ZXDA: variants seen among roughly 807,000 people sequenced by gnomAD.
The protein encoded by ZXDA is zinc finger X-linked protein ZXDA.
ZXDA carries 5 observed loss-of-function variants against 10.1 expected under a neutral mutation model. That is an observed-to-expected ratio of 0.50 (90% CI 0.26 to 1.04). ZXDA has a LOEUF of 1.04. Among genes scored for constraint, ZXDA ranks in the 50% least tolerant of loss-of-function variants. ZXDA has a pLI of 0.14. For missense variants in ZXDA, 501 were observed against 672.4 expected (o/e 0.75, Z 2.82); for synonymous variants, 266 against 313.1 (o/e 0.85, Z 1.59).
rs967953842 is a variant in ZXDA, at chrX:57,909,210, C to T, written c.1211G>A (p.Ser404Asn). Residue 404 changes from serine to asparagine, a missense_variant, in exon 1 of 1, where the codon AGT becomes AAT. Transcript: ENST00000358697. Reference protein sequence around the residue: ...SGCKKTFITVSALFSHNRAHF... With the variant: ...SGCKKTFITVNALFSHNRAHF... The stretch of plus-strand genomic sequence containing the variant: ...GGCGCGGTTATGGGAAAACAGAGCA[C>T]TCACTGTGATAAATGTCTTCTTGCA... The T allele has an allele frequency of 1.4e-5, 17 of 1,210,260 alleles. No individual in the cohort carries two copies. In the Admixed American group the frequency reaches 2.0e-4, roughly 14 times the overall value.
Position 57,908,896 on chromosome X carries a change from G to C in ZXDA, c.1525C>G (p.Pro509Ala). 1 of 1,211,617 alleles carries C rather than the reference G, an allele frequency of 8.3e-7. No homozygotes were observed. Among genetic ancestry groups the C allele is most frequent in the Non-Finnish European group, 1.1e-6 (1 of 895,417 alleles). Residue 509 changes from proline to alanine, a missense_variant, in exon 1 of 1, where the codon CCT becomes GCT. Coordinates refer to ENST00000358697, the MANE Select transcript of ZXDA (RefSeq NM_007156.5). ...GHSITHLGTK[P>A]FVCPVAGCCA... is the part of the protein sequence containing the mutation. ...CAGCCTGCCACAGGACACACGAAAG[G>C]CTTTGTGCCCAGGTGGGTAATGCTG...
In ZXDA at chrX:57,907,334, C is replaced by T. The variant is rs1460832492; in HGVS notation, c.*687G>A. On this transcript the variant is annotated 3_prime_UTR_variant, in exon 1 of 1. Coordinates refer to ENST00000358697, the MANE Select transcript of ZXDA (RefSeq NM_007156.5). ...ACACATATGTTCACATTGCTATGAC[C>T]ATTTTACAGATAGAAAACTGAGGCT... 2 of 112,016 alleles carry T rather than the reference C, an allele frequency of 1.8e-5. No homozygotes were observed. Among genetic ancestry groups the T allele is most frequent in the Non-Finnish European group, 3.8e-5 (2 of 53,180 alleles). 9.2% of individuals were successfully genotyped at this position (112,016 alleles called of 1,213,427 possible).
rs144058754 is a variant in ZXDA at position 57,909,422 on chromosome X, A to C, written c.999T>G (p.Pro333=). ...TGAAGCTCTTGCCACAGCCCTCCGC[A>C]GGGCAGCCGAAGGGCCGCAGTTTAT... ...SHDKLRPFGC[P]AEGCGKSFTT... The change falls in exon 1 of 1, where the codon CCT becomes CCG. Residue 333 remains proline (P), a synonymous_variant. Coordinates refer to ENST00000358697, the MANE Select transcript of ZXDA (RefSeq NM_007156.5). 149 of 1,210,186 alleles carry C rather than the reference A, an allele frequency of 1.2e-4. No individual in the cohort carries two copies. Among genetic ancestry groups the C allele is most frequent in the Non-Finnish European group, 1.5e-4 (137 of 895,264 alleles).
rs780763893 is a variant in ZXDA at position 57,909,800 on chromosome X, G to C, written c.621C>G (p.Pro207=). ...PAQQPRCLIA[P]QAGFPQAAHP... ...GCGCGGCTTGCGGGAACCCAGCTTG[G>C]GGGGCGATCAGACACCTGGGCTGCT... The change falls in exon 1 of 1, where the codon CCC becomes CCG. Residue 207 remains proline (P), a synonymous_variant. Coordinates refer to ENST00000358697, the MANE Select transcript of ZXDA (RefSeq NM_007156.5). 5.1e-4 allele frequency: 613 copies of C among 1,201,206 alleles called. 2 individuals carry two copies. Among genetic ancestry groups the C allele is most frequent in the Middle Eastern group, 3.2e-3 (12 of 3,731 alleles).
rs374722342 is a variant in ZXDA, at chrX:57,908,939, G to A, written c.1482C>T (p.Ala494=). Residue 494 remains alanine, a synonymous_variant, in exon 1 of 1, where the codon GCC becomes GCT. Transcript: ENST00000358697. ...VEGCGKSFTR[A]EHLKGHSITH... The stretch of plus-strand genomic sequence containing the variant: ...TAATGCTGTGGCCTTTCAGATGTTC[G>A]GCCCTCGTGAAAGATTTCCCACAGC... 3 of 1,209,430 alleles carry A rather than the reference G, an allele frequency of 2.5e-6. No homozygotes were observed. The highest frequency in any genetic ancestry group is 3.0e-5 in the East Asian group (1 of 33,705).
Position 57,909,759 on chromosome X carries a change from G to A in ZXDA, c.662C>T (p.Pro221Leu). The part of the protein sequence containing the change: ...FPQAAHPGDC[P>L]ELRSDLLLAE... ...TAGCAGGAGGTCGGACCGCAGCTCT[G>A]GGCAGTCACCCGGGTGCGCGGCTTG... The change falls in exon 1 of 1, where the codon CCA (proline) becomes CTA (leucine). Residue 221 changes from proline to leucine, a missense_variant. This residue lies in a region of ZXDA where 251 missense variants were observed against 221.6 expected (regional missense o/e 1.13). Coordinates refer to ENST00000358697, the MANE Select transcript of ZXDA (RefSeq NM_007156.5). The A allele has an allele frequency of 8.4e-7, 1 of 1,196,353 alleles. No individual in the cohort carries two copies. Among genetic ancestry groups the A allele is most frequent in the Non-Finnish European group, 1.1e-6 (1 of 888,899 alleles).
rs2014362255 is a variant in ZXDA, at chrX:57,906,220, C to A, written c.*1801G>T. On this transcript the variant is annotated 3_prime_UTR_variant, in exon 1 of 1. Coordinates refer to ENST00000358697, the MANE Select transcript of ZXDA (RefSeq NM_007156.5). Reference sequence around the variant, plus strand: ...TCCACATGTAAACAATACTGGGTTACAATAGTTGAAAGCAACTAATAGTGT... The same window carrying A: ...TCCACATGTAAACAATACTGGGTTAAAATAGTTGAAAGCAACTAATAGTGT... Among the ~76,000 whole-genome samples the A allele has an allele frequency of 8.9e-6, 1 of 112,081 alleles. No homozygotes were observed. Among genetic ancestry groups the A allele is most frequent in the Non-Finnish European group, 1.9e-5 (1 of 53,162 alleles).
rs776308300 is a variant in ZXDA, at chrX:57,910,195, G to A, written c.226C>T (p.Pro76Ser). The change falls in exon 1 of 1, where the codon CCG (proline) becomes TCG (serine). Residue 76 changes from proline to serine, a missense_variant. Pro to Ser is a moderately conservative substitution (Grantham distance 74). Coordinates refer to ENST00000358697, the MANE Select transcript of ZXDA (RefSeq NM_007156.5). ...SRGPGPSLFA[P>S]RPHQPSGGGD... ...CCGCCGCTAGGTTGATGGGGCCTCGGCGCGAACAGGCTTGGGCCAGGGCCC... is the reference window on the plus strand; with the variant it reads ...CCGCCGCTAGGTTGATGGGGCCTCGACGCGAACAGGCTTGGGCCAGGGCCC... 3 of 1,199,558 alleles carry A rather than the reference G, an allele frequency of 2.5e-6. No homozygotes were observed. Among genetic ancestry groups the A allele is most frequent in the East Asian group, 6.1e-5 (2 of 32,740 alleles).
In ZXDA at chrX:57,906,040, T is replaced by G. The variant is rs1208726789; in HGVS notation, c.*1981A>C. Among the ~76,000 whole-genome samples the G allele has an allele frequency of 8.9e-6, 1 of 112,476 alleles. No individual in the cohort carries two copies. Among genetic ancestry groups the G allele is most frequent in the African/African-American group, 3.2e-5 (1 of 30,966 alleles). On this transcript the variant is annotated 3_prime_UTR_variant, in exon 1 of 1. Coordinates refer to ENST00000358697, the MANE Select transcript of ZXDA (RefSeq NM_007156.5). ...TGTTAAATGGTTAGACACAAAATTC[T>G]ATTTCTTTGAATTACAAATTTATGT...
rs987173552 is a variant in ZXDA, at chrX:57,907,028, T to C, written c.*993A>G. The C allele has an allele frequency of 1.8e-5, 2 of 112,670 alleles. No individual in the cohort carries two copies. Among genetic ancestry groups the C allele is most frequent in the Non-Finnish European group, 3.8e-5 (2 of 53,260 alleles). 9.3% of individuals were successfully genotyped at this position (112,670 alleles called of 1,213,427 possible). A position where few individuals can be genotyped will look rare whatever the true frequency, so the allele number is the denominator to read the frequency against. On this transcript the variant is annotated 3_prime_UTR_variant, in exon 1 of 1. Transcript: ENST00000358697. ...CTTTGAATGCAGACCGAAGATACTA[T>C]CAAATTGGTCTAATGGACATGTGGC...
In ZXDA at chrX:57,906,144, A is replaced by G. The variant is rs1303867188; in HGVS notation, c.*1877T>C. On this transcript the variant is annotated 3_prime_UTR_variant, in exon 1 of 1. Coordinates refer to ENST00000358697, the MANE Select transcript of ZXDA (RefSeq NM_007156.5). Reference sequence around the variant, plus strand: ...CAGTAAAGATGTATATCAAGGTGGTATATATTAAAGTGCACTGTTAAAGTG... The same window carrying G: ...CAGTAAAGATGTATATCAAGGTGGTGTATATTAAAGTGCACTGTTAAAGTG... 8.9e-6 allele frequency among the ~76,000 whole-genome samples: 1 copy of G among 112,299 alleles called. No homozygotes were observed. The highest frequency in any genetic ancestry group is 9.4e-5 in the Admixed American group (1 of 10,619).
Position 57,909,712 on chromosome X carries a change from G to T in ZXDA, c.709C>A (p.Pro237Thr). Residue 237 changes from proline to threonine, a missense_variant, in exon 1 of 1, where the codon CCT (proline) becomes ACT (threonine). Pro to Thr is a conservative substitution (Grantham distance 38, BLOSUM62 -1). Coordinates refer to ENST00000358697, the MANE Select transcript of ZXDA (RefSeq NM_007156.5). ...LLLAEPAEPA[P>T]APAPQEEAEG... ...GCCTCCTCCTGGGGCGCCGGAGCAG[G>T]CGCGGGTTCTGCGGGCTCGGCTAGC... The T allele has an allele frequency of 8.5e-7, 1 of 1,182,298 alleles. No homozygotes were observed. Among genetic ancestry groups the T allele is most frequent in the Non-Finnish European group, 1.1e-6 (1 of 881,398 alleles).
At position 57,907,928 on chromosome X, in the gene ZXDA, A is replaced by C. The variant is rs1284035994; in HGVS notation, c.*93T>G. The C allele has an allele frequency of 9.3e-7, 1 of 1,073,777 alleles. No homozygotes were observed. The highest frequency in any genetic ancestry group is 1.9e-5 in the African/African-American group (1 of 53,252). The allele number at this position is 1,073,777 out of a possible 1,213,427, so 88.5% of individuals were successfully genotyped here. A position where few individuals can be genotyped will look rare whatever the true frequency, so the allele number is the denominator to read the frequency against. On this transcript the variant is annotated 3_prime_UTR_variant, in exon 1 of 1. Coordinates refer to ENST00000358697, the MANE Select transcript of ZXDA (RefSeq NM_007156.5). ...GCTGTGCTCTTTTTGCAAACCAAAAAGAAATGACTGCACTTAAATATTTAG... is the reference window on the plus strand; with the variant it reads ...GCTGTGCTCTTTTTGCAAACCAAAACGAAATGACTGCACTTAAATATTTAG...
At position 57,907,798 on chromosome X, in the gene ZXDA, A is replaced by G. The variant is rs946107798; in HGVS notation, c.*223T>C. 1 of 378,389 alleles carries G rather than the reference A, an allele frequency of 2.6e-6. No homozygotes were observed. The highest frequency in any genetic ancestry group is 2.6e-5 in the African/African-American group (1 of 38,955). The allele number at this position is 378,389 out of a possible 1,213,427, so 31.2% of individuals were successfully genotyped here. ...GTTCAAACCACCACAATTTATAAAT[A>G]AGGAAATTAAGGCTCAGATAGGTTA... On this transcript the variant is annotated 3_prime_UTR_variant, in exon 1 of 1. Transcript: ENST00000358697.
rs759424490 is a variant in ZXDA at position 57,908,011 on chromosome X, T to C, written c.*10A>G. ...AGTTAGCCACATGGCAAGGAATGAA[T>C]AGAGTTGCTTCATACCAAAAATGAG... On this transcript the variant is annotated 3_prime_UTR_variant, in exon 1 of 1. Transcript: ENST00000358697. 1.7e-6 allele frequency: 2 copies of C among 1,198,535 alleles called. No individual in the cohort carries two copies. Among genetic ancestry groups the C allele is most frequent in the Non-Finnish European group, 2.2e-6 (2 of 889,328 alleles).
chrX:57,910,298 C>T lies in ZXDA; in HGVS notation c.123G>A (p.Thr41=), dbSNP rs2014415932. Residue 41 remains threonine (T), a synonymous_variant, in exon 1 of 1, where the codon ACG becomes ACA. Coordinates refer to ENST00000358697, the MANE Select transcript of ZXDA (RefSeq NM_007156.5). ...GPDSPAGQVP[T]RRLLLPRGPQ... is the part of the protein sequence containing the mutation. ...GGCCCCGGGGCAGCAGGAGGCGGCG[C>T]GTGGGGACCTGGCCAGCCGGCGAGT... The T allele has an allele frequency of 9.5e-7, 1 of 1,055,745 alleles. No individual in the cohort carries two copies. The highest frequency in any genetic ancestry group is 1.2e-6 in the Non-Finnish European group (1 of 827,095). The allele number at this position is 1,055,745 out of a possible 1,213,427, so 87.0% of individuals were successfully genotyped here. A position where few individuals can be genotyped will look rare whatever the true frequency, so the allele number is the denominator to read the frequency against.
Position 57,909,190 on chromosome X carries a change from G to C in ZXDA, c.1231C>G (p.Arg411Gly). 8.3e-7 allele frequency: 1 copy of C among 1,211,742 alleles called. No homozygotes were observed. The highest frequency in any genetic ancestry group is 3.0e-5 in the East Asian group (1 of 33,819). The change falls in exon 1 of 1, where the codon CGC becomes GGC. Residue 411 changes from arginine (R) to glycine (G), a missense_variant. By Grantham distance (125) the Arg-to-Gly change is moderately radical. Transcript: ENST00000358697. ...ITVSALFSHN[R>G]AHFREQELFS... The stretch of plus-strand genomic sequence containing the variant: ...AGTTCCTGTTCCCTGAAATGGGCGC[G>C]GTTATGGGAAAACAGAGCACTCACT...
At position 57,908,757 on chromosome X, in the gene ZXDA, G is replaced by A; in HGVS notation, c.1664C>T (p.Thr555Ile). ...GTGCGTCTTCATGCTGTGCTTGGAT[G>A]TGAAGAGTTTATTACAAGAGGAGAT... The part of the protein sequence containing the change: ...CPISSCNKLF[T>I]SKHSMKTHMV... Residue 555 changes from threonine to isoleucine, a missense_variant, in exon 1 of 1, where the codon ACA becomes ATA. Around this residue, in one of 5 missense-constraint regions of ZXDA, gnomAD observed 171 missense variants for 262.7 expected, o/e 0.65. Transcript: ENST00000358697. The A allele has an allele frequency of 8.3e-7, 1 of 1,207,217 alleles. No homozygotes were observed. Among genetic ancestry groups the A allele is most frequent in the South Asian group, 1.8e-5 (1 of 56,737 alleles).
Position 57,910,211 on chromosome X carries a change from G to A in ZXDA, c.210C>T (p.Gly70=), listed in dbSNP as rs762805884. 12 of 1,190,469 alleles carry A rather than the reference G, an allele frequency of 1.0e-5. No homozygotes were observed. The East Asian group carries it at 3.5e-4, about 34-fold the overall frequency. ...GGGGCCTCGGCGCGAACAGGCTTGG[G>A]CCAGGGCCCCGTGATGCCGTGCTGG... ...EEASTASRGP[G]PSLFAPRPHQ... The change falls in exon 1 of 1, where the codon GGC becomes GGT. Residue 70 remains glycine, a synonymous_variant. Coordinates refer to ENST00000358697, the MANE Select transcript of ZXDA (RefSeq NM_007156.5).
Sources: gnomAD v4.1 joint callset for allele counts (sites outside exome capture counted in the v4.1 genomes callset) on GRCh38, gnomAD v4.1.1 for gene constraint, gnomAD v4.1.1 regional missense constraint, MANE v1.5 for transcripts, NCBI Gene and HGNC (gene_info 2026-07-23, HGNC 2026-07-21) for gene names.